Variants in LPCAT2 observed in about 807,000 individuals in gnomAD.
LPCAT2 encodes the protein 1-AGP acyltransferase 11.
A neutral mutation model predicts 64.7 loss-of-function variants in LPCAT2; 58 were observed. The ratio of observed to expected loss-of-function variants is 0.90; its 90% CI spans 0.73 to 1.12. The LOEUF (loss-of-function observed/expected upper bound fraction) is 1.12, where lower values mean the gene tolerates loss of function less well. Among genes scored for constraint, LPCAT2 ranks in the 50% most tolerant of loss-of-function variants. The probability of loss-of-function intolerance (pLI) is 0.00; values close to 1 mark genes in which losing one functional copy is unlikely to be tolerated. For missense variants in LPCAT2, 579 were observed against 669.8 expected, an observed-to-expected ratio of 0.86 and a Z score of 1.50; for synonymous variants, 252 against 245.3, an observed-to-expected ratio of 1.03 and a Z score of -0.26.
chr16:55,524,612 G>A (rs1174175723), intron 1 of LPCAT2, among the ~76,000 whole-genome samples: 2 of 151,828 alleles, frequency 1.3e-5, no homozygotes, highest in Admixed American at 1.3e-4. Context: ...ATTATTTGAT[G>A]GTGCTCAGAA....
chr16:55,547,844 T>G (rs1963471371), intron 9 of LPCAT2, among the ~76,000 whole-genome samples: 2 of 152,166 alleles, frequency 1.3e-5, no homozygotes, highest in South Asian at 4.1e-4. Flanking sequence ...CTCGGCTCAC[T>G]GCAACCTCCG....
At chr16:55,566,964 GTGGAGGCCT>G (rs754058757) in intron 11 of LPCAT2, 10 of 1,613,764 alleles carry the variant, frequency 6.2e-6, no homozygotes, top group Middle Eastern at 1.6e-4. Flanking sequence ...TTTCACCAGT[GTGGAGGCCT>G]CAGAAAGTGA....
intron 13 of LPCAT2, among the ~76,000 whole-genome samples, chr16:55,579,453 T>TTA (rs1963865923): frequency 1.3e-5 from 2 of 152,154 alleles, no homozygotes; most frequent in Admixed American, 1.3e-4. Context: ...TCTAAACATT[T>TTA]TATATATATT....
intron 9 of LPCAT2, among the ~76,000 whole-genome samples, chr16:55,546,889 C>T (rs765208557): frequency 6.6e-6 from 1 of 152,132 alleles, no homozygotes; most frequent in Non-Finnish European, 1.5e-5. Context: ...TGACTCACAC[C>T]TGTAATCCCA....
Position 55,585,254 on chromosome 16 carries a change from TATGA to T in LPCAT2, c.*2161_*2164del, listed in dbSNP as rs1243421552. On this transcript the variant is annotated 3_prime_UTR_variant, in exon 14 of 14. Transcript: ENST00000262134. ...TTTTAATATCATATGTTTACATATTTATGAATGATTAATCATTTTTGTTTGCATT... is the reference window on the plus strand; with the variant it reads ...TTTTAATATCATATGTTTACATATTTATGATTAATCATTTTTGTTTGCATT... 1.3e-5 allele frequency: 2 copies of T among 152,226 alleles called. No individual in the cohort carries two copies. Among genetic ancestry groups the T allele is most frequent in the East Asian group, 1.9e-4 (1 of 5,206 alleles). 9.4% of individuals were successfully genotyped at this position (152,226 alleles called of 1,614,324 possible).
chr16:55,567,023 T>A lies in LPCAT2; in HGVS notation c.1216-7608T>A, dbSNP rs756931412. Reference sequence around the variant, plus strand: ...TTCGGCAACAATTTACACAGCTGGCTGGACCAGACATGGAGGTGGGTGCCA... The same window carrying A: ...TTCGGCAACAATTTACACAGCTGGCAGGACCAGACATGGAGGTGGGTGCCA... On this transcript the variant is annotated intron_variant, in intron 11 of 13. Transcript: ENST00000262134. 3 of 1,613,794 alleles carry A rather than the reference T, an allele frequency of 1.9e-6. No homozygotes were observed. The African/African-American group carries it at 4.0e-5, about 22-fold the overall frequency.
intron 1 of LPCAT2, among the ~76,000 whole-genome samples, chr16:55,523,486 A>G (rs965078940): frequency 6.6e-6 from 1 of 151,768 alleles, no homozygotes; most frequent in African/African-American, 2.4e-5. Flanking sequence ...TTGAACATTG[A>G]TGTTCATATG....
At chr16:55,527,007 T>G (rs1470820294) in intron 2 of LPCAT2, among the ~76,000 whole-genome samples, 1 of 151,872 alleles carries the variant, frequency 6.6e-6, no homozygotes, top group Non-Finnish European at 1.5e-5. Context: ...AAATAAGAGG[T>G]GTGGAAATTT....
At chr16:55,577,524 C>T (rs1963840935) in intron 12 of LPCAT2, among the ~76,000 whole-genome samples, 1 of 152,040 alleles carries the variant, frequency 6.6e-6, no homozygotes, top group African/African-American at 2.4e-5. Context: ...GACAGTGGCA[C>T]CTACCATAAG....
intron 12 of LPCAT2, among the ~76,000 whole-genome samples, chr16:55,578,690 T>A (rs1963856092): frequency 6.6e-6 from 1 of 152,170 alleles, no homozygotes; most frequent in Non-Finnish European, 1.5e-5. Flanking sequence ...GGTGAGGAAT[T>A]ATATACCCAC....
chr16:55,513,019 T>A (rs1962956001), intron 1 of LPCAT2, among the ~76,000 whole-genome samples: 1 of 152,068 alleles, frequency 6.6e-6, no homozygotes, highest in Admixed American at 6.6e-5. Context: ...GATAACAGAA[T>A]CCAGAATATC....
At chr16:55,550,711 C>T (rs1269591585) in intron 10 of LPCAT2, among the ~76,000 whole-genome samples, 5 of 152,060 alleles carry the variant, frequency 3.3e-5, no homozygotes, top group South Asian at 2.1e-4. Flanking sequence ...GTCAATAGAT[C>T]GAGACCATCC....
intron 6 of LPCAT2, among the ~76,000 whole-genome samples, chr16:55,533,406 G>GGTTTTTTT (rs1183017645): frequency 6.5e-4 from 63 of 96,480 alleles, no homozygotes; most frequent in African/African-American, 2.5e-3. Context: ...TGTTTTTCGG[G>GGTTTTTTT]TTTTTTTTTT....
chr16:55,534,475 A>C lies in LPCAT2; in HGVS notation c.795A>C (p.Thr265=). The change falls in exon 7 of 14, where the codon ACA becomes ACC. Residue 265 remains threonine, a splice_region_variant and synonymous_variant. Coordinates refer to ENST00000262134, the MANE Select transcript of LPCAT2 (RefSeq NM_017839.5). The stretch of plus-strand genomic sequence containing the variant: ...TGACCTGGACATGGCAAGGATATAC[A>C]TTGTAAGTCACTTATGTCTATTATT... The part of the protein sequence containing the change: ...DTVTWTWQGY[T]FIQLCMLTFC... 6.8e-7 allele frequency: 1 copy of C among 1,469,900 alleles called. No individual in the cohort carries two copies. The allele number at this position is 1,469,900 out of a possible 1,614,324, so 91.1% of individuals were successfully genotyped here.
chr16:55,551,275 T>C (rs1276375309), intron 11 of LPCAT2, 173 bp downstream of exon 11: 1 of 385,556 alleles, frequency 2.6e-6, no homozygotes, highest in Non-Finnish European at 4.6e-6. Flanking sequence ...TATTAATAAT[T>C]GTGTGTGTGT....
chr16:55,531,200 A>G (rs1455381856), intron 4 of LPCAT2, among the ~76,000 whole-genome samples: 1 of 152,172 alleles, frequency 6.6e-6, no homozygotes, highest in African/African-American at 2.4e-5. Context: ...TCATAAAAAC[A>G]CTTTGCTAAC....
At chr16:55,530,159 T>C (rs986721638) in intron 4 of LPCAT2, among the ~76,000 whole-genome samples, 8 of 152,262 alleles carry the variant, frequency 5.3e-5, no homozygotes, top group African/African-American at 1.9e-4. Flanking sequence ...TTATTCTTTT[T>C]TATTCTCCAA....
In LPCAT2 at chr16:55,545,439, A is replaced by T. The variant is rs1225817682; in HGVS notation, c.853-296A>T. The T allele has an allele frequency of 9.3e-5, 22 of 237,022 alleles. No individual in the cohort carries two copies. The Admixed American group carries it at 1.1e-3, about 11-fold the overall frequency. The allele number at this position is 237,022 out of a possible 1,614,324, so 14.7% of individuals were successfully genotyped here. The stretch of plus-strand genomic sequence containing the variant: ...GTAGCTACAGCTTTACACTTCCAGA[A>T]TTCCAGACACTGACTTGTTTCACCC... On this transcript the variant is annotated intron_variant, in intron 8 of 13. Transcript: ENST00000262134.
chr16:55,585,239 A>G lies in LPCAT2; in HGVS notation c.*2141A>G, dbSNP rs1381689592. The G allele has an allele frequency of 6.6e-6, 1 of 152,176 alleles. No homozygotes were observed. Among genetic ancestry groups the G allele is most frequent in the African/African-American group, 2.4e-5 (1 of 41,450 alleles). 9.4% of individuals were successfully genotyped at this position (152,176 alleles called of 1,614,324 possible). A position where few individuals can be genotyped will look rare whatever the true frequency, so the allele number is the denominator to read the frequency against. The stretch of plus-strand genomic sequence containing the variant: ...AAATGTAATATACCCTTTTAATATC[A>G]TATGTTTACATATTTATGAATGATT... On this transcript the variant is annotated 3_prime_UTR_variant, in exon 14 of 14. Transcript: ENST00000262134.
Sources: gnomAD v4.1 joint callset for allele counts (sites outside exome capture counted in the v4.1 genomes callset) on GRCh38, gnomAD v4.1.1 for gene constraint, MANE v1.5 for transcripts, NCBI Gene and HGNC (gene_info 2026-07-23, HGNC 2026-07-21) for gene names.